PRDM16: variants seen among roughly 807,000 people sequenced by gnomAD.
The protein encoded by PRDM16 is PR/SET domain 16.
Under a neutral mutation model 110.6 loss-of-function variants are expected in PRDM16, and 23 were observed. The observed-to-expected ratio is 0.21, with a 90% confidence interval of 0.15 to 0.29. PRDM16 has a LOEUF of 0.29. PRDM16 is among the 10% of genes least tolerant of loss of function. The probability of loss-of-function intolerance (pLI) is 1.00; values close to 1 mark genes in which losing one functional copy is unlikely to be tolerated. For missense variants in PRDM16, 1,615 were observed against 1,794.3 expected (o/e 0.90, Z 1.81); for synonymous variants, 799 against 781.8 (o/e 1.02, Z -0.37).
At chr1:3,116,791 C>G (rs1438448561) in intron 1 of PRDM16, among the ~76,000 whole-genome samples, 4 of 152,236 alleles carry the variant, frequency 2.6e-5, no homozygotes, top group Admixed American at 6.5e-5. Context: ...CTCCATGGCT[C>G]TGGCCCCGCT....
intron 4 of PRDM16, among the ~76,000 whole-genome samples, chr1:3,395,696 A>G (rs183408081): frequency 5.9e-5 from 9 of 152,080 alleles, no homozygotes; most frequent in African/African-American, 1.7e-4. Flanking sequence ...GTGAACTGCT[A>G]ATTTTCTTCA....
intron 3 of PRDM16, among the ~76,000 whole-genome samples, chr1:3,349,726 G>A (rs1428700548): frequency 6.6e-6 from 1 of 152,192 alleles, no homozygotes; most frequent in African/African-American, 2.4e-5. Flanking sequence ...CGCTCTGGGG[G>A]TCTTCAAAGC....
At chr1:3,397,602 G>A (rs978238352) in intron 5 of PRDM16, among the ~76,000 whole-genome samples, 1 of 152,276 alleles carries the variant, frequency 6.6e-6, no homozygotes, top group Admixed American at 6.5e-5. Flanking sequence ...TTTACTTTGG[G>A]AGGCCCCGCA....
intron 1 of PRDM16, among the ~76,000 whole-genome samples, chr1:3,184,696 G>C (rs905577405): frequency 6.6e-6 from 1 of 152,198 alleles, no homozygotes; most frequent in Non-Finnish European, 1.5e-5. Flanking sequence ...CCCGAAAGGA[G>C]ACCTGGGCCT....
chr1:3,414,897 G>A (rs563663199), intron 10 of PRDM16, among the ~76,000 whole-genome samples: 4 of 152,182 alleles, frequency 2.6e-5, no homozygotes, highest in Non-Finnish European at 5.9e-5. Context: ...CCTGGCTCTG[G>A]GCTCCAGGAG....
At chr1:3,384,915 G>A (rs1359396738) in intron 3 of PRDM16, among the ~76,000 whole-genome samples, 2 of 152,224 alleles carry the variant, frequency 1.3e-5, no homozygotes, top group Non-Finnish European at 2.9e-5. Context: ...GGTGAGAAAA[G>A]AAAAGGCCAT....
chr1:3,399,739 G>A (rs1643437579), intron 5 of PRDM16, among the ~76,000 whole-genome samples: 1 of 152,174 alleles, frequency 6.6e-6, no homozygotes, highest in South Asian at 2.1e-4. Context: ...AAATAAGTTG[G>A]TCAATAATAT....
intron 2 of PRDM16, among the ~76,000 whole-genome samples, chr1:3,224,545 A>C (rs1052326504): frequency 1.3e-5 from 2 of 151,820 alleles, no homozygotes; most frequent in Admixed American, 1.3e-4. Flanking sequence ...CCCCTTCCAC[A>C]CGCGCTCGGG....
At chr1:3,211,385 C>T (rs1437074801) in intron 2 of PRDM16, among the ~76,000 whole-genome samples, 2 of 152,210 alleles carry the variant, frequency 1.3e-5, no homozygotes, top group Non-Finnish European at 2.9e-5. Context: ...CAGTGTTGAC[C>T]GAACATCTCT....
chr1:3,191,400 C>CG (rs1638306800), intron 2 of PRDM16, among the ~76,000 whole-genome samples: 2 of 152,176 alleles, frequency 1.3e-5, no homozygotes, highest in Admixed American at 1.3e-4. Flanking sequence ...ACCCCCAAGC[C>CG]GGTGCCTCCT....
chr1:3,155,188 C>T (rs1557488475), intron 1 of PRDM16, among the ~76,000 whole-genome samples: 2 of 152,226 alleles, frequency 1.3e-5, no homozygotes, highest in East Asian at 1.9e-4. Flanking sequence ...GGAAGGGCCC[C>T]GGGAGAGGCA....
chr1:3,120,280 C>G (rs1234304994), intron 1 of PRDM16, among the ~76,000 whole-genome samples: 1 of 152,256 alleles, frequency 6.6e-6, no homozygotes, highest in African/African-American at 2.4e-5. Context: ...TGCCCCCTGT[C>G]TGGCAGCCTC....
chr1:3,270,567 G>A (rs1032053555), intron 3 of PRDM16, among the ~76,000 whole-genome samples: 1 of 150,296 alleles, frequency 6.7e-6, no homozygotes, highest in Admixed American at 6.6e-5. Context: ...GAGGAGCATA[G>A]TCCTGGAGGA....
chr1:3,099,026 C>T (rs1453843108), intron 1 of PRDM16, among the ~76,000 whole-genome samples: 1 of 152,218 alleles, frequency 6.6e-6, no homozygotes, highest in East Asian at 1.9e-4. Context: ...TTGGGCCACC[C>T]ACTCCATCAA....
chr1:3,135,338 A>G (rs999413488), intron 1 of PRDM16, among the ~76,000 whole-genome samples: 5 of 152,160 alleles, frequency 3.3e-5, no homozygotes, highest in Admixed American at 1.3e-4. Flanking sequence ...CATCGTACCC[A>G]GCTCTTCCTG....
chr1:3,209,703 C>T lies in PRDM16; in HGVS notation c.387+23229C>T, dbSNP rs1460279719. Among the ~76,000 whole-genome samples the T allele has an allele frequency of 6.6e-6, 1 of 152,228 alleles. No homozygotes were observed. The highest frequency in any genetic ancestry group is 1.5e-5 in the Non-Finnish European group (1 of 68,044). ...TTTAGTTGTCAACGGCCACCAGGAACCACAGCCCTCCCGCCCCCCACAGAG... is the reference window on the plus strand; with the variant it reads ...TTTAGTTGTCAACGGCCACCAGGAATCACAGCCCTCCCGCCCCCCACAGAG... On this transcript the variant is annotated intron_variant, in intron 2 of 16. Coordinates refer to ENST00000270722, the MANE Select transcript of PRDM16 (RefSeq NM_022114.4). The surrounding 1 kb of genome is among the most constrained non-coding windows in gnomAD (Gnocchi z 4.6).
chr1:3,072,268 C>A (rs1227627122), intron 1 of PRDM16, among the ~76,000 whole-genome samples: 1 of 152,212 alleles, frequency 6.6e-6, no homozygotes, highest in Non-Finnish European at 1.5e-5. Context: ...GGGGTTAGCA[C>A]CACCAAGGTG....
intron 3 of PRDM16, among the ~76,000 whole-genome samples, chr1:3,323,619 G>A (rs1011858118): frequency 2.6e-5 from 4 of 152,208 alleles, no homozygotes; most frequent in South Asian, 2.1e-4. Context: ...CCCAGCTCCC[G>A]CCTGGAAACC....
chr1:3,207,123 T>G (rs1270759618), intron 2 of PRDM16: 1 of 152,228 alleles, frequency 6.6e-6, no homozygotes. Context: ...CTTCTCACGG[T>G]GCCAACCCGC....
Sources: gnomAD v4.1 joint callset for allele counts (sites outside exome capture counted in the v4.1 genomes callset) on GRCh38, gnomAD v4.1.1 for gene constraint, Gnocchi (gnomAD v3.1) non-coding constraint, MANE v1.5 for transcripts, NCBI Gene and HGNC (gene_info 2026-07-23, HGNC 2026-07-21) for gene names.